The following MIDEAS variants were observed in gnomAD, a reference collection of about 807,000 sequenced individuals.
MIDEAS encodes mitotic deacetylase associated SANT domain protein.
In MIDEAS, 26 loss-of-function variants were observed where a neutral mutation model predicts 102.7. The observed-to-expected ratio is 0.25, with a 90% CI of 0.19 to 0.35. MIDEAS has a LOEUF of 0.35. MIDEAS is among the 10% of genes least tolerant of loss of function. MIDEAS has a pLI of 1.00. For synonymous variants in MIDEAS, 585 were observed against 591.0 expected, an observed-to-expected ratio of 0.99 and a Z score of 0.15; for missense variants, 1,231 against 1,435.6, an observed-to-expected ratio of 0.86 and a Z score of 2.30.
intron 2 of MIDEAS, 60 bp downstream of exon 2, chr14:73,738,500 C>T (rs1460831378): frequency 2.7e-5 from 25 of 939,116 alleles, no homozygotes; most frequent in South Asian, 9.1e-5. Flanking sequence ...ATCCTGCAGC[C>T]GCCCACCTAT....
In MIDEAS at chr14:73,737,077, T is replaced by C; in HGVS notation, c.1670A>G (p.Asn557Ser). The change falls in exon 3 of 13, where the codon AAC becomes AGC. Residue 557 changes from asparagine (N) to serine (S), a missense_variant. Asn to Ser is a conservative substitution (Grantham distance 46). Around this residue, in one of 5 missense-constraint regions of MIDEAS, gnomAD observed 758 missense variants for 856.0 expected, o/e 0.89. Coordinates refer to ENST00000423556, the MANE Select transcript of MIDEAS (RefSeq NM_001367710.1). ...LDEDGKGPEQ[N>S]PAEHKPSVIV... is the part of the protein sequence containing the mutation. ...GACTGATGGCTTGTGCTCAGCAGGG[T>C]TCTGTTCAGGACCCTTCCCGTCCTC... 1 of 1,613,958 alleles carries C rather than the reference T, an allele frequency of 6.2e-7. No individual in the cohort carries two copies. The highest frequency in any genetic ancestry group is 1.3e-5 in the African/African-American group (1 of 74,960).
At chr14:73,736,492 G>A (rs537215364) in intron 3 of MIDEAS, among the ~76,000 whole-genome samples, 5 of 152,076 alleles carry the variant, frequency 3.3e-5, no homozygotes, top group South Asian at 2.1e-4. Context: ...TTAGCTGGGC[G>A]CGGTGGTGGG....
intron 11 of MIDEAS, among the ~76,000 whole-genome samples, chr14:73,719,950 G>A (rs1369177981): frequency 2.6e-5 from 4 of 151,864 alleles, no homozygotes; most frequent in African/African-American, 7.2e-5. Context: ...GGACAGATGC[G>A]CAGGTAGCTA....
rs1189913660 is a variant in MIDEAS, at chr14:73,737,109, A to G, written c.1638T>C (p.Gly546=). 1.9e-6 allele frequency: 3 copies of G among 1,613,592 alleles called. No homozygotes were observed. ...CAGGACCCTTCCCGTCCTCATCAAGACCTCCAGCCTGGGCTGCCTCAGTTG... is the reference window on the plus strand; with the variant it reads ...CAGGACCCTTCCCGTCCTCATCAAGGCCTCCAGCCTGGGCTGCCTCAGTTG... ...VDPTEAAQAG[G]LDEDGKGPEQ... is the part of the protein sequence containing the mutation. Residue 546 remains glycine, a synonymous_variant, in exon 3 of 13, where the codon GGT becomes GGC. Coordinates refer to ENST00000423556, the MANE Select transcript of MIDEAS (RefSeq NM_001367710.1).
intron 3 of MIDEAS, among the ~76,000 whole-genome samples, chr14:73,734,071 G>A (rs2053172353): frequency 6.6e-6 from 1 of 151,448 alleles, no homozygotes; most frequent in South Asian, 2.1e-4. Flanking sequence ...TGCAACCTCT[G>A]CCTCCCGGGT....
chr14:73,773,696 G>C (rs2053662505), intron 1 of MIDEAS, among the ~76,000 whole-genome samples: 1 of 151,958 alleles, frequency 6.6e-6, no homozygotes, highest in Non-Finnish European at 1.5e-5. Context: ...TCAGCCCTAA[G>C]GGTGGCTCAA....
At chr14:73,764,915 A>C (rs898350652), upstream of MIDEAS, among the ~76,000 whole-genome samples, 1 of 152,064 alleles carries the variant, frequency 6.6e-6, no homozygotes, top group African/African-American at 2.4e-5. Context: ...GCCTCTGTAC[A>C]TGTCCCCAGT....
In MIDEAS at chr14:73,739,666, C is replaced by T. The variant is rs777809653; in HGVS notation, c.343G>A (p.Gly115Ser). ...TGCTGCCAGCTGCTGTCACTGACACCCCCACCTCCTCCACGCTCCGGGCCC... is the reference window on the plus strand; with the variant it reads ...TGCTGCCAGCTGCTGTCACTGACACTCCCACCTCCTCCACGCTCCGGGCCC... ...GRGPERGGGGGVSDSSWQQQP... is the reference protein window; with the variant it reads ...GRGPERGGGGSVSDSSWQQQP... Residue 115 changes from glycine to serine, a missense_variant, in exon 2 of 13, where the codon GGT becomes AGT. Around this residue, in one of 5 missense-constraint regions of MIDEAS, gnomAD observed 758 missense variants for 856.0 expected, o/e 0.89. Coordinates refer to ENST00000423556, the MANE Select transcript of MIDEAS (RefSeq NM_001367710.1). 8.7e-6 allele frequency: 14 copies of T among 1,613,684 alleles called. No homozygotes were observed. In the East Asian group the frequency reaches 3.1e-4, roughly 36 times the overall value.
chr14:73,787,465 A>C (rs775197010), upstream of MIDEAS: 1 of 152,222 alleles, frequency 6.6e-6, no homozygotes, highest in African/African-American at 2.4e-5. Flanking sequence ...TCCGCGCCGA[A>C]GTGCGATCCG....
rs2053013900 is a variant in MIDEAS, at chr14:73,722,815, C to T, written c.2607G>A (p.Glu869=). ...IQTKTVAQCV[E]FYYTYKKQVK... ...CCTGCTTCTTGTAGGTGTAGTAGAA[C>T]TCCACGCACTGGGCCACGGTCTTGG... Residue 869 remains glutamate (E), a synonymous_variant, in exon 10 of 13, where the codon GAG becomes GAA. Coordinates refer to ENST00000423556, the MANE Select transcript of MIDEAS (RefSeq NM_001367710.1). 1 of 1,614,068 alleles carries T rather than the reference C, an allele frequency of 6.2e-7. No homozygotes were observed. The highest frequency in any genetic ancestry group is 1.1e-5 in the South Asian group (1 of 91,086).
rs760423135 is a variant in MIDEAS at position 73,719,401 on chromosome 14, C to T, written c.3038G>A (p.Arg1013Gln). 4 of 1,614,072 alleles carry T rather than the reference C, an allele frequency of 2.5e-6. No homozygotes were observed. In the South Asian group the frequency reaches 4.4e-5, roughly 18 times the overall value. ...CTTCTCTGAAAAAGGTAGTGCCCTT[C>T]GTGACTTCCCTGTCCCTTCCCTTGG... ...EKPREGTGKS[R>Q]RALPFSEKKK... The change falls in exon 12 of 13, where the codon CGA becomes CAA. Residue 1013 changes from arginine (R) to glutamine (Q), a missense_variant. Arg to Gln is a conservative substitution (Grantham distance 43). Around this residue, in one of 5 missense-constraint regions of MIDEAS, gnomAD observed 391 missense variants for 483.0 expected, o/e 0.81. Transcript: ENST00000423556.
chr14:73,781,570 A>G (rs569198229), intron 1 of MIDEAS, among the ~76,000 whole-genome samples: 6 of 152,004 alleles, frequency 3.9e-5, no homozygotes, highest in Admixed American at 2.0e-4. Flanking sequence ...CCCTGTCTCT[A>G]CTAAAAATAC....
intron 7 of MIDEAS, 36 bp downstream of exon 7, chr14:73,726,568 T>C (rs773713188): frequency 1.2e-6 from 2 of 1,600,046 alleles, no homozygotes; most frequent in Non-Finnish European, 1.7e-6. Context: ...CAGCCCCCAC[T>C]GAGGGGCCCT....
At chr14:73,741,101 C>T (rs545453507) in intron 1 of MIDEAS, among the ~76,000 whole-genome samples, 1 of 152,340 alleles carries the variant, frequency 6.6e-6, no homozygotes, top group East Asian at 1.9e-4. Context: ...CCCTGCCTGA[C>T]CCCTGCCCCT....
chr14:73,765,801 A>T (rs926220813), intron 1 of MIDEAS, among the ~76,000 whole-genome samples: 4 of 152,132 alleles, frequency 2.6e-5, no homozygotes, highest in African/African-American at 9.7e-5. Flanking sequence ...CTCTTCCAGG[A>T]AGCGTTCATT....
rs2052873415 is a variant in MIDEAS, at chr14:73,715,587, T to C, written c.*3256A>G. ...AAGCAAATATTAACATAGCAAAATG[T>C]GGGGAGGACACAATTGTTTTATAAA... On this transcript the variant is annotated 3_prime_UTR_variant, in exon 13 of 13. Transcript: ENST00000423556. 1 of 152,428 alleles carries C rather than the reference T, an allele frequency of 6.6e-6. No individual in the cohort carries two copies. The highest frequency in any genetic ancestry group is 2.1e-4 in the South Asian group (1 of 4,834). 9.4% of individuals were successfully genotyped at this position (152,428 alleles called of 1,614,324 possible).
At chr14:73,745,929 C>A (rs1481479056) in intron 1 of MIDEAS, among the ~76,000 whole-genome samples, 1 of 152,220 alleles carries the variant, frequency 6.6e-6, no homozygotes, top group Non-Finnish European at 1.5e-5. Context: ...CATCACTTCT[C>A]TGGACTGAAC....
intron 1 of MIDEAS, among the ~76,000 whole-genome samples, chr14:73,777,535 T>C (rs2053702707): frequency 6.6e-6 from 1 of 151,986 alleles, no homozygotes; most frequent in African/African-American, 2.4e-5. Flanking sequence ...CTCTCAGCCG[T>C]GCTCCACTGC....
intron 1 of MIDEAS, among the ~76,000 whole-genome samples, chr14:73,756,300 G>GCA (rs2053482258): frequency 2.9e-5 from 3 of 104,712 alleles, no homozygotes; most frequent in South Asian, 3.8e-4. Flanking sequence ...GTGTGTGCGC[G>GCA]CGCGCGTGCG....
Sources: gnomAD v4.1 joint callset for allele counts (sites outside exome capture counted in the v4.1 genomes callset) on GRCh38, gnomAD v4.1.1 for gene constraint, gnomAD v4.1.1 regional missense constraint, MANE v1.5 for transcripts, NCBI Gene and HGNC (gene_info 2026-07-23, HGNC 2026-07-21) for gene names.